CACNA2D2: variants seen among roughly 807,000 people sequenced by gnomAD.
CACNA2D2 encodes the protein calcium voltage-gated channel auxiliary subunit alpha2delta 2.
CACNA2D2 carries 48 observed loss-of-function variants against 166.4 expected under a neutral mutation model. The observed-to-expected ratio is 0.29, with a 90% CI of 0.23 to 0.37. CACNA2D2 has a LOEUF of 0.37. Ranked by LOEUF, CACNA2D2 falls within the 10% of genes least tolerant of loss-of-function variation. The pLI is 1.00. For missense variants in CACNA2D2, 1,122 were observed against 1,433.0 expected (o/e 0.78, Z 3.50); for synonymous variants, 561 against 573.7 (o/e 0.98, Z 0.32).
chr3:50,418,722 GGCT>G (rs1179920950), intron 3 of CACNA2D2, among the ~76,000 whole-genome samples: 2 of 152,230 alleles, frequency 1.3e-5, no homozygotes, highest in African/African-American at 4.8e-5. Flanking sequence ...TGTGTCCACT[GGCT>G]GCTGCAGGGT....
At chr3:50,385,291 G>C (rs899215886) in intron 5 of CACNA2D2, among the ~76,000 whole-genome samples, 1 of 152,080 alleles carries the variant, frequency 6.6e-6, no homozygotes, top group African/African-American at 2.4e-5. Flanking sequence ...AAAGCTCGGG[G>C]GCTTCCTAGG....
At chr3:50,385,314 A>T (rs1232668167) in intron 5 of CACNA2D2, among the ~76,000 whole-genome samples, 2 of 152,074 alleles carry the variant, frequency 1.3e-5, no homozygotes, top group Admixed American at 6.5e-5. Flanking sequence ...GATAGGAGAG[A>T]TCATAAGCAG....
At chr3:50,439,359 G>A (rs1213103252) in intron 2 of CACNA2D2, among the ~76,000 whole-genome samples, 1 of 152,250 alleles carries the variant, frequency 6.6e-6, no homozygotes, top group Non-Finnish European at 1.5e-5. Context: ...GCTCCTCTCC[G>A]CAGCGAAGGT....
rs115895524 is a variant in CACNA2D2, at chr3:50,487,021, G to A, written c.207-10822C>T. Reference sequence around the variant, plus strand: ...CACTCCATGTGATTTCCACTGCAGCGATGGTACCTCGGCCAGGCGCAGGCC... The same window carrying A: ...CACTCCATGTGATTTCCACTGCAGCAATGGTACCTCGGCCAGGCGCAGGCC... On this transcript the variant is annotated intron_variant, in intron 1 of 37. Transcript: ENST00000424201. Among the ~76,000 whole-genome samples, 456 of 152,338 alleles carry A rather than the reference G, an allele frequency of 3.0e-3. 1 individual carries two copies. Among genetic ancestry groups the A allele is most frequent in the African/African-American group, 0.011 (442 of 41,580 alleles).
chr3:50,373,011 G>C (rs1199879353), intron 22 of CACNA2D2: 1 of 1,446,998 alleles, frequency 6.9e-7, no homozygotes, highest in Non-Finnish European at 9.3e-7. Flanking sequence ...AAGCAGGGGC[G>C]TGAGGATGGG....
At chr3:50,373,620 G>T (rs111210618) in intron 22 of CACNA2D2, among the ~76,000 whole-genome samples, 3 of 115,442 alleles carry the variant, frequency 2.6e-5, no homozygotes, top group Non-Finnish European at 3.7e-5. Context: ...GGACTGAAGG[G>T]GGGGGGGTGC....
chr3:50,448,445 G>T (rs559965658), intron 2 of CACNA2D2, among the ~76,000 whole-genome samples: 22 of 152,248 alleles, frequency 1.4e-4, no homozygotes, highest in Middle Eastern at 6.8e-3. Context: ...GTTCACTGGT[G>T]AGCACATAGG....
In CACNA2D2 at chr3:50,367,305, G is replaced by T; in HGVS notation, c.2401+89C>A. 2 of 1,249,244 alleles carry T rather than the reference G, an allele frequency of 1.6e-6. No individual in the cohort carries two copies. Among genetic ancestry groups the T allele is most frequent in the Non-Finnish European group, 2.3e-6 (2 of 861,854 alleles). The allele number at this position is 1,249,244 out of a possible 1,614,324, so 77.4% of individuals were successfully genotyped here. A position where few individuals can be genotyped will look rare whatever the true frequency, so the allele number is the denominator to read the frequency against. On this transcript the variant is annotated intron_variant, in intron 27 of 37. Coordinates refer to ENST00000424201, the MANE Select transcript of CACNA2D2 (RefSeq NM_006030.4). The surrounding 1 kb of genome is among the most constrained non-coding windows in gnomAD (Gnocchi z 6.5). ...TCAGCCAGCCTTGTGTTGGAGAGGG[G>T]CCTCAGACAGCAGAGCCCAGTTCTG... is the stretch of plus-strand genomic sequence containing the variant.
chr3:50,473,520 G>A (rs1710186128), intron 2 of CACNA2D2, among the ~76,000 whole-genome samples: 1 of 152,210 alleles, frequency 6.6e-6, no homozygotes, highest in Non-Finnish European at 1.5e-5. Context: ...CCCCACTGGG[G>A]GCCAAGGCTG....
At chr3:50,389,022 G>A (rs934138366) in intron 4 of CACNA2D2, among the ~76,000 whole-genome samples, 8 of 152,330 alleles carry the variant, frequency 5.3e-5, no homozygotes, top group African/African-American at 1.9e-4. Flanking sequence ...TGACCCCATC[G>A]GTCAGACGTT....
At chr3:50,410,948 CAT>C (rs1441174012) in intron 3 of CACNA2D2, among the ~76,000 whole-genome samples, 5 of 152,252 alleles carry the variant, frequency 3.3e-5, no homozygotes, top group African/African-American at 1.2e-4. Context: ...ATGCTGCCAA[CAT>C]GTGCTCAGGC....
Position 50,491,447 on chromosome 3 carries a change from C to T in CACNA2D2, c.206+11771G>A, listed in dbSNP as rs557993173. Among the ~76,000 whole-genome samples, 6 of 152,300 alleles carry T rather than the reference C, an allele frequency of 3.9e-5. No individual in the cohort carries two copies. In the East Asian group the frequency reaches 9.7e-4, roughly 25 times the overall value. ...GCCCCTAGGGCTTCTGTGGCCTGCGCCAGCCAAGGTGTGGCTTAAACAATT... is the reference window on the plus strand; with the variant it reads ...GCCCCTAGGGCTTCTGTGGCCTGCGTCAGCCAAGGTGTGGCTTAAACAATT... On this transcript the variant is annotated intron_variant, in intron 1 of 37. Transcript: ENST00000424201.
chr3:50,419,698 A>T (rs1324682981), intron 3 of CACNA2D2: 2 of 152,214 alleles, frequency 1.3e-5, no homozygotes, highest in Non-Finnish European at 2.9e-5. Flanking sequence ...GCGGAAGCAC[A>T]CACAGAGCCC....
Position 50,365,804 on chromosome 3 carries a change from A to G in CACNA2D2, c.2915+6T>C. On this transcript the variant is annotated splice_donor_region_variant and intron_variant, in intron 33 of 37. Coordinates refer to ENST00000424201, the MANE Select transcript of CACNA2D2 (RefSeq NM_006030.4). This position sits in a 1 kb window ranked among gnomAD's most constrained non-coding sequence, Gnocchi z 4.5. ...CTTCTCTACCCACCTCCCGCTCAGG[A>G]CTCACCAGGCGGCAGCAGAGGTCCA... is the stretch of plus-strand genomic sequence containing the variant. The G allele has an allele frequency of 6.2e-7, 1 of 1,613,424 alleles. No individual in the cohort carries two copies. Among genetic ancestry groups the G allele is most frequent in the Non-Finnish European group, 8.5e-7 (1 of 1,179,990 alleles).
At position 50,452,769 on chromosome 3, in the gene CACNA2D2, C is replaced by G. The variant is rs1352052992; in HGVS notation, c.289-18340G>C. Among the ~76,000 whole-genome samples, 4 of 152,188 alleles carry G rather than the reference C, an allele frequency of 2.6e-5. No homozygotes were observed. In the East Asian group the frequency reaches 5.8e-4, roughly 22 times the overall value. On this transcript the variant is annotated intron_variant, in intron 2 of 37. Transcript: ENST00000424201. The stretch of plus-strand genomic sequence containing the variant: ...AAGCACAGGACTTTATCACAAGAGT[C>G]AAAGATCCTCAGGGGGTTATAGTTT...
Position 50,380,682 on chromosome 3 carries a change from G to T in CACNA2D2, c.842+66C>A. 1 of 1,279,880 alleles carries T rather than the reference G, an allele frequency of 7.8e-7. No homozygotes were observed. Among genetic ancestry groups the T allele is most frequent in the Non-Finnish European group, 1.1e-6 (1 of 948,166 alleles). The allele number at this position is 1,279,880 out of a possible 1,614,324, so 79.3% of individuals were successfully genotyped here. A position where few individuals can be genotyped will look rare whatever the true frequency, so the allele number is the denominator to read the frequency against. On this transcript the variant is annotated intron_variant, in intron 8 of 37. Transcript: ENST00000424201. This position sits in a 1 kb window ranked among gnomAD's most constrained non-coding sequence, Gnocchi z 4.9. Reference sequence around the variant, plus strand: ...AGGAGGCTTGGAAATGGGGAGGGAGGGGAGCAGGCAGGAAAGGTGGGGAAC... The same window carrying T: ...AGGAGGCTTGGAAATGGGGAGGGAGTGGAGCAGGCAGGAAAGGTGGGGAAC...
chr3:50,500,700 CCTT>C lies in CACNA2D2; in HGVS notation c.206+2515_206+2517del, dbSNP rs555072710. On this transcript the variant is annotated intron_variant, in intron 1 of 37. Coordinates refer to ENST00000424201, the MANE Select transcript of CACNA2D2 (RefSeq NM_006030.4). The stretch of plus-strand genomic sequence containing the variant: ...CATGTGTGCAAACATGTAGCCTCCT[CCTT>C]GTTTGAAACTCTGATCCAGGTCCAG... 4.8e-4 allele frequency among the ~76,000 whole-genome samples: 73 copies of C among 152,206 alleles called. No individual in the cohort carries two copies. In the East Asian group the frequency reaches 0.011, roughly 23 times the overall value.
At chr3:50,370,197 G>A in intron 23 of CACNA2D2, 123 bp downstream of exon 23, 1 of 714,526 alleles carries the variant, frequency 1.4e-6, no homozygotes, top group Non-Finnish European at 2.5e-6. Flanking sequence ...GGCGATGTAT[G>A]GGGGCCGGGG....
chr3:50,411,019 G>T (rs1271108554), intron 3 of CACNA2D2, among the ~76,000 whole-genome samples: 3 of 152,180 alleles, frequency 2.0e-5, no homozygotes, highest in African/African-American at 7.2e-5. Context: ...TTAACATCCA[G>T]AACTCCCCTC....
Sources: allele counts gnomAD v4.1 joint callset (sites outside exome capture counted in the v4.1 genomes callset), GRCh38; gene constraint gnomAD v4.1.1; non-coding constraint Gnocchi (gnomAD v3.1); transcripts MANE v1.5; gene names NCBI Gene and HGNC (gene_info 2026-07-23, HGNC 2026-07-21).